RAP1GDS1: variants seen among roughly 807,000 people sequenced by gnomAD.
The protein encoded by RAP1GDS1 is Rap1 GTPase-GDP dissociation stimulator 1, also known as RAP1, GTP-GDP dissociation stimulator 1.
RAP1GDS1 carries 35 observed loss-of-function variants against 71.1 expected under a neutral mutation model. The observed-to-expected ratio is 0.49, with a 90% CI of 0.38 to 0.65. RAP1GDS1 has a LOEUF of 0.65. Ranked by LOEUF, RAP1GDS1 falls within the 30% of genes least tolerant of loss-of-function variation. The pLI is 0.00. For missense variants in RAP1GDS1, 663 were observed against 706.1 expected (o/e 0.94, Z 0.69); for synonymous variants, 229 against 243.1 (o/e 0.94, Z 0.54).
At chr4:98,412,536 C>A (rs2110172167) in intron 7 of RAP1GDS1, among the ~76,000 whole-genome samples, 1 of 152,216 alleles carries the variant, frequency 6.6e-6, no homozygotes, top group Non-Finnish European at 1.5e-5. Context: ...ATCTGTGTTG[C>A]AAATGTATTT....
chr4:98,347,462 AG>A (rs1236628652), intron 3 of RAP1GDS1, among the ~76,000 whole-genome samples: 1 of 152,222 alleles, frequency 6.6e-6, no homozygotes, highest in East Asian at 1.9e-4. Context: ...GAAATAGAGC[AG>A]TACCTATTCC....
At chr4:98,276,626 TTTCTC>T (rs761023770) in intron 1 of RAP1GDS1, among the ~76,000 whole-genome samples, 58 of 152,286 alleles carry the variant, frequency 3.8e-4, no homozygotes, top group Middle Eastern at 6.8e-3. Context: ...TAGAAATACA[TTTCTC>T]TGCTATAACA....
At chr4:98,312,834 C>T (rs1730428361) in intron 2 of RAP1GDS1, among the ~76,000 whole-genome samples, 5 of 151,738 alleles carry the variant, frequency 3.3e-5, no homozygotes, top group African/African-American at 1.2e-4. Context: ...CTTTGGGAGG[C>T]TGAGGCGGGT....
intron 2 of RAP1GDS1, among the ~76,000 whole-genome samples, chr4:98,336,478 C>G (rs565288666): frequency 2.6e-5 from 4 of 152,282 alleles, no homozygotes; most frequent in Non-Finnish European, 5.9e-5. Context: ...GAGTACAAGA[C>G]TATCAAAATC....
At chr4:98,325,734 G>A (rs1012187975) in intron 2 of RAP1GDS1, among the ~76,000 whole-genome samples, 1 of 137,708 alleles carries the variant, frequency 7.3e-6, no homozygotes, top group African/African-American at 2.7e-5. Context: ...AGATCACATG[G>A]ACACAGGAAG....
intron 1 of RAP1GDS1, among the ~76,000 whole-genome samples, chr4:98,277,508 C>A (rs1025360814): frequency 6.6e-6 from 1 of 152,124 alleles, no homozygotes; most frequent in Middle Eastern, 3.2e-3. Context: ...GTCATAACAC[C>A]AGTATATCTT....
intron 4 of RAP1GDS1, among the ~76,000 whole-genome samples, chr4:98,374,443 A>C (rs915660235): frequency 3.3e-5 from 5 of 152,128 alleles, no homozygotes; most frequent in African/African-American, 1.2e-4. Context: ...ATTATCGTTA[A>C]AGTCCCTGTA....
chr4:98,422,692 T>C (rs1749059159), intron 12 of RAP1GDS1, among the ~76,000 whole-genome samples: 1 of 152,234 alleles, frequency 6.6e-6, no homozygotes, highest in South Asian at 2.1e-4. Context: ...TGTTCTTGTA[T>C]AAATCTCTTT....
intron 12 of RAP1GDS1, among the ~76,000 whole-genome samples, chr4:98,431,075 G>C (rs141144628): frequency 2.6e-5 from 4 of 152,204 alleles, no homozygotes; most frequent in East Asian, 1.9e-4. Flanking sequence ...TTTATACCAG[G>C]AATATAAAAA....
At chr4:98,342,039 C>T (rs1242435027) in intron 2 of RAP1GDS1, among the ~76,000 whole-genome samples, 5 of 151,890 alleles carry the variant, frequency 3.3e-5, no homozygotes, top group Non-Finnish European at 5.9e-5. Flanking sequence ...TTATTTTAAC[C>T]AGTTTCTAGT....
chr4:98,276,845 A>C (rs527430930), intron 1 of RAP1GDS1, among the ~76,000 whole-genome samples: 2 of 152,314 alleles, frequency 1.3e-5, no homozygotes, highest in South Asian at 4.1e-4. Flanking sequence ...CAGAAACCAG[A>C]TTTTTAAGTC....
chr4:98,285,653 A>G (rs931870486), intron 1 of RAP1GDS1, among the ~76,000 whole-genome samples: 1 of 151,668 alleles, frequency 6.6e-6, no homozygotes, highest in Admixed American at 6.6e-5. Flanking sequence ...CTTTCCTGTC[A>G]CTTCTTAGAA....
intron 5 of RAP1GDS1, 98 bp downstream of exon 5, chr4:98,379,261 A>C (rs1406201975): frequency 8.9e-7 from 1 of 1,121,366 alleles, no homozygotes; most frequent in Non-Finnish European, 1.2e-6. Flanking sequence ...TGATGAACAA[A>C]GAATTCGTAA....
At chr4:98,429,575 A>G (rs1449055360) in intron 12 of RAP1GDS1, among the ~76,000 whole-genome samples, 1 of 152,204 alleles carries the variant, frequency 6.6e-6, no homozygotes, top group Admixed American at 6.5e-5. Flanking sequence ...GGGTCCACCA[A>G]AATCTCACAA....
intron 12 of RAP1GDS1, among the ~76,000 whole-genome samples, chr4:98,426,218 A>G (rs555211322): frequency 2.5e-4 from 38 of 152,262 alleles, no homozygotes; most frequent in South Asian, 1.9e-3. Flanking sequence ...GGGATACAAC[A>G]AAGGCGTTGC....
chr4:98,269,269 G>A (rs942917963), intron 1 of RAP1GDS1, among the ~76,000 whole-genome samples: 1 of 149,760 alleles, frequency 6.7e-6, no homozygotes, highest in East Asian at 2.0e-4. Context: ...CCCACATACT[G>A]AAGAATGACA....
At chr4:98,411,887 C>T (rs1289877426) in intron 7 of RAP1GDS1, among the ~76,000 whole-genome samples, 2 of 152,098 alleles carry the variant, frequency 1.3e-5, no homozygotes, top group Non-Finnish European at 2.9e-5. Context: ...ATTCTAGTCA[C>T]CACACATCTC....
At chr4:98,414,638 G>A (rs1747633995) in intron 7 of RAP1GDS1, among the ~76,000 whole-genome samples, 2 of 149,196 alleles carry the variant, frequency 1.3e-5, no homozygotes, top group South Asian at 2.1e-4. Flanking sequence ...ATAGTTTGAA[G>A]TCAGGTAGTG....
At chr4:98,415,551 T>G (rs542788957) in intron 7 of RAP1GDS1, among the ~76,000 whole-genome samples, 1 of 152,292 alleles carries the variant, frequency 6.6e-6, no homozygotes, top group South Asian at 2.1e-4. Context: ...AACATATATC[T>G]GCTCAGGAGA....
Sources: allele counts gnomAD v4.1 joint callset (sites outside exome capture counted in the v4.1 genomes callset), GRCh38; gene constraint gnomAD v4.1.1; transcripts MANE v1.5; gene names NCBI Gene and HGNC (gene_info 2026-07-23, HGNC 2026-07-21).